Variants in EIF2B2 observed in about 807,000 individuals in gnomAD.
The protein encoded by EIF2B2 is translation initiation factor eIF2B subunit beta.
EIF2B2 carries 34 observed loss-of-function variants against 34.7 expected under a neutral mutation model. That is an observed-to-expected ratio of 0.98 (90% CI 0.75 to 1.31). The LOEUF (loss-of-function observed/expected upper bound fraction) is 1.31, where lower values mean the gene tolerates loss of function less well. Ranked by LOEUF, EIF2B2 falls within the 50% of genes most tolerant of loss-of-function variation. EIF2B2 has a pLI of 0.00. For missense variants in EIF2B2, 361 were observed against 447.7 expected (o/e 0.81, Z 1.75); for synonymous variants, 155 against 171.6 (o/e 0.90, Z 0.76).
At chr14:75,007,284 C>A (rs1889641001) in intron 6 of EIF2B2, 6 of 358,584 alleles carry the variant, frequency 1.7e-5, no homozygotes, top group South Asian at 1.1e-4. Context: ...AGTTTCAAAA[C>A]TTTTTCTCCA....
intron 7 of EIF2B2, 54 bp from the exon 8 acceptor site, chr14:75,008,977 A>G: frequency 6.2e-7 from 1 of 1,612,218 alleles, no homozygotes; most frequent in Non-Finnish European, 8.5e-7. Flanking sequence ...ATGCTACTTA[A>G]TTATGAGAGA....
In EIF2B2 at chr14:75,009,108, T is replaced by G. The variant is rs1188362205; in HGVS notation, c.976T>G (p.Ser326Ala). 1.2e-6 allele frequency: 2 copies of G among 1,614,122 alleles called. No homozygotes were observed. The highest frequency in any genetic ancestry group is 1.1e-5 in the South Asian group (1 of 91,080). The change falls in exon 8 of 8, where the codon TCC becomes GCC. Residue 326 changes from serine (S) to alanine (A), a missense_variant. Coordinates refer to ENST00000266126, the MANE Select transcript of EIF2B2 (RefSeq NM_014239.4). The part of the protein sequence containing the change: ...VPPELITLFI[S>A]NIGGNAPSYI... ...CCCAGAGCTCATTACCCTCTTTATC[T>G]CCAACATTGGTGGGAATGCACCTTC...
intron 4 of EIF2B2, 35 bp downstream of exon 4, chr14:75,004,935 T>C (rs762858558): frequency 1.2e-6 from 2 of 1,605,376 alleles, no homozygotes; most frequent in South Asian, 2.2e-5. Flanking sequence ...CTAAGAAAAA[T>C]GAAAAATGAA....
At position 75,006,178 on chromosome 14, in the gene EIF2B2, T is replaced by C. The variant is rs1889623624; in HGVS notation, c.693+217T>C. ...GTAGCCTCTAAATTTGGTTGAAGCA[T>C]TGAAAAGAATGAAGTATTAAATAGA... On this transcript the variant is annotated intron_variant, in intron 5 of 7. Coordinates refer to ENST00000266126, the MANE Select transcript of EIF2B2 (RefSeq NM_014239.4). The surrounding 1 kb of genome is among the most constrained non-coding windows in gnomAD (Gnocchi z 4.1). The C allele has an allele frequency of 5.6e-6, 3 of 533,510 alleles. No individual in the cohort carries two copies. Among genetic ancestry groups the C allele is most frequent in the Non-Finnish European group, 1.0e-5 (3 of 297,850 alleles). 33.0% of individuals were successfully genotyped at this position (533,510 alleles called of 1,614,324 possible).
Position 75,010,827 on chromosome 14 carries a change from A to C in EIF2B2, c.*1639A>C, listed in dbSNP as rs980183583. The C allele has an allele frequency of 6.6e-6, 1 of 152,224 alleles. No homozygotes were observed. Among genetic ancestry groups the C allele is most frequent in the Non-Finnish European group, 1.5e-5 (1 of 68,050 alleles). The allele number at this position is 152,224 out of a possible 1,614,324, so 9.4% of individuals were successfully genotyped here. A position where few individuals can be genotyped will look rare whatever the true frequency, so the allele number is the denominator to read the frequency against. On this transcript the variant is annotated 3_prime_UTR_variant, in exon 8 of 8. Transcript: ENST00000266126. The stretch of plus-strand genomic sequence containing the variant: ...AAGTCCATTTGATACTCTGTTAGTT[A>C]AAAACAAGCTGGGGAAAAAAAACAC...
intron 6 of EIF2B2, chr14:75,007,062 GCCTGTC>G: frequency 2.1e-6 from 1 of 483,428 alleles, no homozygotes; most frequent in Non-Finnish European, 4.1e-6. Flanking sequence ...TTGTTGCAGG[GCCTGTC>G]CTTTGTAACC....
In EIF2B2 at chr14:75,005,877, GGCT is replaced by G. The variant is rs778851276; in HGVS notation, c.611_613del (p.Ala204del). On this transcript the variant is annotated inframe_deletion, in exon 5 of 8. Transcript: ENST00000266126. The stretch of plus-strand genomic sequence containing the variant: ...CCCTCCCATTGCAGGGTCATGAAAT[GGCT>G]GTGAATTTGTCCAAAGCAGGTATTG... 167 of 1,613,158 alleles carry G rather than the reference GGCT, an allele frequency of 1.0e-4. No individual in the cohort carries two copies. Among genetic ancestry groups the G allele is most frequent in the Non-Finnish European group, 1.4e-4 (163 of 1,179,390 alleles).
At chr14:75,004,689 ATTT>A (rs376012405) in intron 3 of EIF2B2, 45 bp from the exon 4 acceptor site, 3,985 of 155,088 alleles carry the variant, frequency 0.026, 190 homozygotes, top group East Asian at 0.062. Context: ...ATATATATAT[ATTT>A]TTTTTTTTTT....
intron 4 of EIF2B2, 157 bp from the exon 5 acceptor site, chr14:75,005,709 T>A: frequency 1.6e-6 from 1 of 643,148 alleles, no homozygotes; most frequent in South Asian, 1.5e-5. Flanking sequence ...GCTATGAGAG[T>A]CTGAAAAATC....
In EIF2B2 at chr14:75,006,246, T is replaced by C; in HGVS notation, c.693+285T>C. 1 of 523,198 alleles carries C rather than the reference T, an allele frequency of 1.9e-6. No homozygotes were observed. The highest frequency in any genetic ancestry group is 3.4e-6 in the Non-Finnish European group (1 of 291,100). The allele number at this position is 523,198 out of a possible 1,614,324, so 32.4% of individuals were successfully genotyped here. On this transcript the variant is annotated intron_variant, in intron 5 of 7. Transcript: ENST00000266126. The surrounding 1 kb of genome is among the most constrained non-coding windows in gnomAD (Gnocchi z 4.1). Reference sequence around the variant, plus strand: ...AGTTTCTAGGGATTGGCTACAGGGCTCCTGCCTTATGCTCAAAGAGCTTGG... The same window carrying C: ...AGTTTCTAGGGATTGGCTACAGGGCCCCTGCCTTATGCTCAAAGAGCTTGG...
intron 3 of EIF2B2, 48 bp from the exon 4 acceptor site, chr14:75,004,689 A>ATATATATATATATATATTTT: frequency 4.8e-5 from 7 of 146,192 alleles, no homozygotes; most frequent in African/African-American, 4.3e-4. Context: ...ATATATATAT[A>ATATATATATATATATATTTT]TTTTTTTTTT....
chr14:75,005,756 G>A, intron 4 of EIF2B2, 110 bp from the exon 5 acceptor site: 1 of 832,586 alleles, frequency 1.2e-6, no homozygotes. Flanking sequence ...TGGAAATTAT[G>A]TGCTGGATAT....
Position 75,007,005 on chromosome 14 carries a change from A to G in EIF2B2, c.831+291A>G, listed in dbSNP as rs1423900577. The G allele has an allele frequency of 5.4e-6, 3 of 555,204 alleles. No homozygotes were observed. The East Asian group carries it at 1.3e-4, about 24-fold the overall frequency. The allele number at this position is 555,204 out of a possible 1,614,324, so 34.4% of individuals were successfully genotyped here. ...ACTCCCTGTCGCCTGACCATTTCTGAAAATGCCAAGCAGGTTGAAAGTAGG... is the reference window on the plus strand; with the variant it reads ...ACTCCCTGTCGCCTGACCATTTCTGGAAATGCCAAGCAGGTTGAAAGTAGG... On this transcript the variant is annotated intron_variant, in intron 6 of 7. Coordinates refer to ENST00000266126, the MANE Select transcript of EIF2B2 (RefSeq NM_014239.4).
rs994158138 is a variant in EIF2B2 at position 75,010,036 on chromosome 14, T to C, written c.*848T>C. 9 of 152,166 alleles carry C rather than the reference T, an allele frequency of 5.9e-5. No homozygotes were observed. The highest frequency in any genetic ancestry group is 1.0e-4 in the Non-Finnish European group (7 of 68,034). 9.4% of individuals were successfully genotyped at this position (152,166 alleles called of 1,614,324 possible). ...AAAATAACAAGTACAAATGAAAGTA[T>C]AGTTTCCTTTACAATTCACTGCTCC... On this transcript the variant is annotated 3_prime_UTR_variant, in exon 8 of 8. Transcript: ENST00000266126.
In EIF2B2 at chr14:75,003,112, T is replaced by C. The variant is rs1889563635; in HGVS notation, c.122T>C (p.Leu41Ser). ...SEEMARETLG[L>S]LRQIITDHRW... ...GAAATGGCTCGGGAGACCCTAGGGT[T>C]GCTGCGCCAGATCATCACGGACCAC... The change falls in exon 1 of 8, where the codon TTG becomes TCG. Residue 41 changes from leucine to serine, a missense_variant. Leu to Ser is a moderately radical substitution (Grantham distance 145). Transcript: ENST00000266126. The C allele has an allele frequency of 1.2e-6, 2 of 1,613,628 alleles. No homozygotes were observed. Among genetic ancestry groups the C allele is most frequent in the African/African-American group, 2.7e-5 (2 of 75,012 alleles).
At chr14:75,007,815 C>T in intron 7 of EIF2B2, 27 bp downstream of exon 7, 1 of 1,609,130 alleles carries the variant, frequency 6.2e-7, no homozygotes, top group Non-Finnish European at 8.5e-7. Flanking sequence ...TGCATGCGTG[C>T]ATGTGTTGTG....
Position 75,009,548 on chromosome 14 carries a change from C to A in EIF2B2, c.*360C>A. 1 of 314,630 alleles carries A rather than the reference C, an allele frequency of 3.2e-6. No homozygotes were observed. Among genetic ancestry groups the A allele is most frequent in the Non-Finnish European group, 6.2e-6 (1 of 162,494 alleles). 19.5% of individuals were successfully genotyped at this position (314,630 alleles called of 1,614,324 possible). On this transcript the variant is annotated 3_prime_UTR_variant, in exon 8 of 8. Transcript: ENST00000266126. ...GATTTTTGCTCAGAAATGGCTATGA[C>A]ACTTTTTCTAGGCTCTACCAATAAA...
In EIF2B2 at chr14:75,004,691, T is replaced by TATATA. The variant is rs1566872954; in HGVS notation, c.434-46_434-45insATATA. ...CATATATATATATATATATATATAT[T>TATATA]TTTTTTTTTTTTTTTTTTTTTTTTT... is the stretch of plus-strand genomic sequence containing the variant. On this transcript the variant is annotated intron_variant, in intron 3 of 7. Transcript: ENST00000266126. The TATATA allele has an allele frequency of 8.8e-4, 55 of 62,558 alleles. No individual in the cohort carries two copies. In the African/African-American group the frequency reaches 0.012, roughly 13 times the overall value. 3.9% of individuals were successfully genotyped at this position (62,558 alleles called of 1,614,324 possible). A position where few individuals can be genotyped will look rare whatever the true frequency, so the allele number is the denominator to read the frequency against.
rs775398859 is a variant in EIF2B2 at position 75,002,975 on chromosome 14, G to A, written c.-16G>A. 11 of 1,613,794 alleles carry A rather than the reference G, an allele frequency of 6.8e-6. No homozygotes were observed. In the Admixed American group the frequency reaches 8.3e-5, roughly 12 times the overall value. ...GTGGATTCCGCCGGTGAAGGCTGAA[G>A]GCAGCTACCTTAAAGATGCCGGGAT... is the stretch of plus-strand genomic sequence containing the variant. On this transcript the variant is annotated 5_prime_UTR_variant, in exon 1 of 8. Transcript: ENST00000266126.
Sources: allele counts gnomAD v4.1 joint callset, GRCh38; gene constraint gnomAD v4.1.1; non-coding constraint Gnocchi (gnomAD v3.1); transcripts MANE v1.5; gene names NCBI Gene and HGNC (gene_info 2026-07-23, HGNC 2026-07-21).